Variants in PTPRD observed in about 807,000 individuals in gnomAD.
The protein encoded by PTPRD is receptor-type tyrosine-protein phosphatase delta.
PTPRD carries 34 observed loss-of-function variants against 214.5 expected under a neutral mutation model. The ratio of observed to expected loss-of-function variants is 0.16; its 90% CI spans 0.12 to 0.21. The LOEUF (loss-of-function observed/expected upper bound fraction) is 0.21. Ranked by LOEUF, PTPRD falls within the 10% of genes least tolerant of loss-of-function variation. PTPRD has a pLI of 1.00. For missense variants in PTPRD, 2,545 were observed against 2,398.7 expected (o/e 1.06, Z -1.27); for synonymous variants, 1,128 against 845.7 (o/e 1.33, Z -5.79).
intron 35 of PTPRD, among the ~76,000 whole-genome samples, chr9:8,411,453 G>A (rs1369042106): frequency 6.6e-6 from 1 of 152,046 alleles, no homozygotes; most frequent in African/African-American, 2.4e-5. Context: ...ACAGGCATGT[G>A]TCACCATGCC....
intron 10 of PTPRD, among the ~76,000 whole-genome samples, chr9:9,112,605 T>C (rs937983526): frequency 6.6e-6 from 1 of 152,168 alleles, no homozygotes; most frequent in African/African-American, 2.4e-5. Flanking sequence ...TCTTGACTGA[T>C]GCAAACCTCG....
At chr9:10,035,890 T>C (rs541727001) in intron 3 of PTPRD, among the ~76,000 whole-genome samples, 4 of 146,190 alleles carry the variant, frequency 2.7e-5, no homozygotes, top group East Asian at 4.4e-4. Flanking sequence ...TTCTGACAAC[T>C]AACTTTGGCC....
At position 9,729,318 on chromosome 9, in the gene PTPRD, C is replaced by T. The variant is rs147005749; in HGVS notation, c.-287+5215G>A. ...GTGGCTCTACTGTCTCAAATGCATG[C>T]CTCCTCTACAATCTCCTTTGCAGAG... On this transcript the variant is annotated intron_variant, in intron 7 of 45. Transcript: ENST00000381196. 1.3e-3 allele frequency among the ~76,000 whole-genome samples: 205 copies of T among 152,172 alleles called. 1 individual carries two copies. The highest frequency in any genetic ancestry group is 4.6e-3 in the African/African-American group (190 of 41,538).
chr9:10,522,363 T>C (rs1409702398), intron 2 of PTPRD, among the ~76,000 whole-genome samples: 1 of 152,186 alleles, frequency 6.6e-6, no homozygotes, highest in African/African-American at 2.4e-5. Context: ...TGCTTATATA[T>C]GATAATTCAG....
intron 3 of PTPRD, among the ~76,000 whole-genome samples, chr9:10,280,390 ATG>A (rs1295412191): frequency 2.7e-5 from 4 of 150,630 alleles, no homozygotes; most frequent in East Asian, 1.9e-4. Flanking sequence ...ACACACACAC[ATG>A]TGAGACATAT....
At position 8,435,700 on chromosome 9, in the gene PTPRD, T is replaced by TACACAC. The variant is rs3043782; in HGVS notation, c.4086+886_4086+891dup. On this transcript the variant is annotated intron_variant, in intron 35 of 45. Transcript: ENST00000381196. ...ATTGATATATACCACAATATCCAAA[T>TACACAC]ACACACACACACACACACACACACA... is the stretch of plus-strand genomic sequence containing the variant. Among the ~76,000 whole-genome samples the TACACAC allele has an allele frequency of 9.9e-3, 1,479 of 148,858 alleles. 16 individuals carry two copies. Among genetic ancestry groups the TACACAC allele is most frequent in the East Asian group, 0.029 (145 of 5,022 alleles).
At chr9:9,989,694 T>C (rs1269018584) in intron 4 of PTPRD, among the ~76,000 whole-genome samples, 4 of 152,180 alleles carry the variant, frequency 2.6e-5, no homozygotes, top group African/African-American at 9.7e-5. Flanking sequence ...GACTCTCCAC[T>C]GAACTGTTTA....
intron 3 of PTPRD, among the ~76,000 whole-genome samples, chr9:10,161,419 T>C (rs547898032): frequency 3.3e-5 from 5 of 151,910 alleles, no homozygotes; most frequent in African/African-American, 1.2e-4. Context: ...TTCATTTTTT[T>C]CACAAAGGTA....
At chr9:8,380,325 A>G (rs2084627871) in intron 37 of PTPRD, among the ~76,000 whole-genome samples, 1 of 152,076 alleles carries the variant, frequency 6.6e-6, no homozygotes, top group African/African-American at 2.4e-5. Context: ...TGAGATTCCA[A>G]ACAATTCTCT....
At position 10,031,625 on chromosome 9, in the gene PTPRD, C is replaced by CATATATATATATATATATATAT. The variant is rs1171466919; in HGVS notation, c.-472+2071_-472+2092dup. On this transcript the variant is annotated intron_variant, in intron 4 of 45. Coordinates refer to ENST00000381196, the MANE Select transcript of PTPRD (RefSeq NM_002839.4). ...TACATTAATAATACTTAAAAAACTC[C>CATATATATATATATATATATAT]ATATATATATATATATATATATACA... Among the ~76,000 whole-genome samples, 293 of 87,106 alleles carry CATATATATATATATATATATAT rather than the reference C, an allele frequency of 3.4e-3. 8 individuals carry two copies. Among genetic ancestry groups the CATATATATATATATATATATAT allele is most frequent in the Admixed American group, 8.2e-3 (65 of 7,902 alleles). The allele number at this position is 87,106 out of a possible 152,430, so 57.1% of individuals were successfully genotyped here.
At chr9:8,367,861 G>A (rs995819787) in intron 39 of PTPRD, among the ~76,000 whole-genome samples, 13 of 152,016 alleles carry the variant, frequency 8.6e-5, no homozygotes, top group African/African-American at 2.7e-4. Context: ...CACTTTACAC[G>A]GCTCTTATTT....
chr9:8,604,663 C>T (rs887599042), intron 14 of PTPRD, among the ~76,000 whole-genome samples: 11 of 152,050 alleles, frequency 7.2e-5, no homozygotes, highest in African/African-American at 2.7e-4. Flanking sequence ...ATAAATATAG[C>T]ATGAAAAGAG....
chr9:8,524,853 A>G, intron 18 of PTPRD, 72 bp downstream of exon 18: 1 of 1,233,374 alleles, frequency 8.1e-7, no homozygotes, highest in Non-Finnish European at 1.2e-6. Context: ...ATATAACAAC[A>G]CGGACCCTGC....
intron 7 of PTPRD, among the ~76,000 whole-genome samples, chr9:9,580,168 CAT>C (rs35818450): frequency 0.015 from 2,316 of 152,248 alleles, 22 homozygotes; most frequent in Non-Finnish European, 0.019. Context: ...CTGCAATAAA[CAT>C]ATGAGTACAG....
intron 8 of PTPRD, among the ~76,000 whole-genome samples, chr9:9,534,434 T>C (rs539861633): frequency 6.6e-6 from 1 of 151,972 alleles, no homozygotes; most frequent in Admixed American, 6.6e-5. Flanking sequence ...AAAAGCACAA[T>C]TGGGAAATAG....
chr9:9,921,347 G>T (rs12553870), intron 5 of PTPRD, among the ~76,000 whole-genome samples: 28,414 of 151,678 alleles, frequency 0.19, 6,005 homozygotes, highest in African/African-American at 0.49. Flanking sequence ...CTTTTTGTAA[G>T]GTTATATAAT....
chr9:8,748,207 G>A (rs7861796), intron 11 of PTPRD, among the ~76,000 whole-genome samples: 9,133 of 152,118 alleles, frequency 0.06, 722 homozygotes, highest in African/African-American at 0.18. Context: ...TGAGAGACAG[G>A]ACTAGCTGGA....
intron 10 of PTPRD, among the ~76,000 whole-genome samples, chr9:9,069,904 G>A (rs1369413979): frequency 1.3e-5 from 2 of 152,214 alleles, no homozygotes; most frequent in East Asian, 3.9e-4. Flanking sequence ...ATCATCTATT[G>A]CTTATTATTT....
intron 5 of PTPRD, among the ~76,000 whole-genome samples, chr9:9,799,886 C>A (rs759896545): frequency 1.3e-5 from 2 of 151,868 alleles, no homozygotes; most frequent in African/African-American, 4.8e-5. Context: ...TGATTAATCA[C>A]GAAGACAAAA....
Sources: allele counts gnomAD v4.1 joint callset (sites outside exome capture counted in the v4.1 genomes callset), GRCh38; gene constraint gnomAD v4.1.1; transcripts MANE v1.5; gene names NCBI Gene and HGNC (gene_info 2026-07-23, HGNC 2026-07-21).